SYNE2: variants seen among roughly 807,000 people sequenced by gnomAD.
SYNE2 encodes nesprin-2.
In SYNE2, 431 loss-of-function variants were observed where a neutral mutation model predicts 856.3. That is an observed-to-expected ratio of 0.50 (90% confidence interval 0.47 to 0.55). SYNE2 has a LOEUF of 0.55. Among genes scored for constraint, SYNE2 ranks in the 20% least tolerant of loss-of-function variants. The pLI is 0.00. For missense variants in SYNE2, 8,129 were observed against 8,023.2 expected (o/e 1.01, Z -0.50); for synonymous variants, 2,923 against 2,872.3 (o/e 1.02, Z -0.56).
intron 1 of SYNE2, among the ~76,000 whole-genome samples, chr14:63,811,968 G>A (rs1292926284): frequency 6.6e-6 from 1 of 152,144 alleles, no homozygotes; most frequent in East Asian, 1.9e-4. Context: ...AAAAACTCCT[G>A]ATAAGGGTCT....
At chr14:63,982,865 G>T (rs2096597110) in intron 17 of SYNE2, 71 bp downstream of exon 17, 4 of 1,494,222 alleles carry the variant, frequency 2.7e-6, no homozygotes, top group Admixed American at 1.7e-5. Context: ...CTCATTGTAA[G>T]TTCATAACCA....
chr14:64,210,992 C>G (rs980116651), intron 103 of SYNE2, among the ~76,000 whole-genome samples: 1 of 151,942 alleles, frequency 6.6e-6, no homozygotes, highest in Non-Finnish European at 1.5e-5. Context: ...TTCTCTCTTT[C>G]TTCTTTCTTG....
chr14:63,858,253 C>T (rs889022188), intron 1 of SYNE2, among the ~76,000 whole-genome samples: 3 of 140,314 alleles, frequency 2.1e-5, no homozygotes, highest in Non-Finnish European at 4.6e-5. Context: ...TGTGCGTCTC[C>T]ACACCGGCCT....
In SYNE2 at chr14:64,065,360, TAA is replaced by T. The variant is rs1294255881; in HGVS notation, c.10213-69_10213-68del. 5.0e-5 allele frequency: 65 copies of T among 1,297,692 alleles called. 1 individual carries two copies. In the South Asian group the frequency reaches 6.4e-4, roughly 13 times the overall value. 80.4% of individuals were successfully genotyped at this position (1,297,692 alleles called of 1,614,324 possible). Reference sequence around the variant, plus strand: ...TTGAAATAATTAATTGTTCAGGATTTAAAAGAGTTAGTAAGTTTCAGGAAAAC... The same window carrying T: ...TTGAAATAATTAATTGTTCAGGATTTAAGAGTTAGTAAGTTTCAGGAAAAC... On this transcript the variant is annotated intron_variant, in intron 50 of 115. Transcript: ENST00000555002.
At chr14:63,788,913 T>C (rs543937809) in intron 1 of SYNE2, among the ~76,000 whole-genome samples, 19 of 152,338 alleles carry the variant, frequency 1.2e-4, no homozygotes, top group African/African-American at 2.6e-4. Context: ...TGCACTCCCA[T>C]GTTTATTGCA....
Position 63,855,794 on chromosome 14 carries a change from T to G in SYNE2, c.-52+2651T>G, listed in dbSNP as rs190357864. 1.4e-3 allele frequency among the ~76,000 whole-genome samples: 210 copies of G among 152,342 alleles called. 7 individuals carry two copies. The highest frequency in any genetic ancestry group is 0.014 in the Admixed American group (207 of 15,304). On this transcript the variant is annotated intron_variant, in intron 1 of 115. Transcript: ENST00000555002. ...CCTTCAGAACTGTATCACAGCTGTT[T>G]TATTCACTGTTACACCTTCAGAATC...
At chr14:64,091,656 G>A (rs2097616181) in intron 60 of SYNE2, among the ~76,000 whole-genome samples, 1 of 152,138 alleles carries the variant, frequency 6.6e-6, no homozygotes, top group African/African-American at 2.4e-5. Context: ...TGTGGTGGCG[G>A]TGGTGGTGGT....
intron 64 of SYNE2, among the ~76,000 whole-genome samples, chr14:64,104,738 A>C (rs2097760331): frequency 1.3e-5 from 2 of 152,182 alleles, no homozygotes; most frequent in African/African-American, 4.8e-5. Flanking sequence ...GGTGTGAGCC[A>C]CTGCGCCCGG....
intron 45 of SYNE2, among the ~76,000 whole-genome samples, chr14:64,045,438 G>A (rs2097179203): frequency 1.4e-5 from 2 of 145,844 alleles, no homozygotes; most frequent in South Asian, 4.4e-4. Flanking sequence ...GGCTGGGGGT[G>A]TATTTCGGGG....
chr14:63,967,097 C>T (rs906565725), intron 10 of SYNE2, among the ~76,000 whole-genome samples: 51 of 152,080 alleles, frequency 3.4e-4, no homozygotes, highest in African/African-American at 1.1e-3. Context: ...ATCTCTTGAC[C>T]TCGTGATCCA....
intron 110 of SYNE2, among the ~76,000 whole-genome samples, chr14:64,220,046 GTGT>G (rs1205447150): frequency 6.8e-4 from 103 of 152,322 alleles, no homozygotes; most frequent in African/African-American, 2.4e-3. Flanking sequence ...TTTACTATCT[GTGT>G]TAATATATTA....
At chr14:63,920,970 C>G (rs1392502231) in intron 2 of SYNE2, among the ~76,000 whole-genome samples, 1 of 151,934 alleles carries the variant, frequency 6.6e-6, no homozygotes, top group East Asian at 1.9e-4. Context: ...CAAAAATTAG[C>G]TGGGCGTGTT....
chr14:63,774,565 C>T (rs1462099241), intron 1 of SYNE2, among the ~76,000 whole-genome samples: 3 of 150,840 alleles, frequency 2.0e-5, no homozygotes, highest in East Asian at 3.9e-4. Context: ...GACAGGGTCT[C>T]GCTCTGTCAC....
At chr14:63,913,742 G>C (rs190962160) in intron 2 of SYNE2, among the ~76,000 whole-genome samples, 1 of 144,918 alleles carries the variant, frequency 6.9e-6, no homozygotes, top group Non-Finnish European at 1.5e-5. Flanking sequence ...GATTATAGGC[G>C]TGAGCCACAA....
chr14:63,908,068 T>A (rs1297014294), intron 1 of SYNE2, among the ~76,000 whole-genome samples: 1 of 152,190 alleles, frequency 6.6e-6, no homozygotes, highest in African/African-American at 2.4e-5. Flanking sequence ...TTATTCTTTG[T>A]ATTTTTTGAA....
chr14:64,037,683 GCCC>G (rs1567120038), intron 45 of SYNE2, among the ~76,000 whole-genome samples: 3 of 16,406 alleles, frequency 1.8e-4, no homozygotes, highest in African/African-American at 2.1e-4. Context: ...GGGCAGAGGG[GCCC>G]CTCACTTCCC....
intron 111 of SYNE2, 40 bp downstream of exon 111, chr14:64,220,677 C>G (rs753780972): frequency 6.2e-7 from 1 of 1,607,622 alleles, no homozygotes; most frequent in South Asian, 1.1e-5. Flanking sequence ...AGCCGGTACC[C>G]AGGCCCACGT....
intron 18 of SYNE2, among the ~76,000 whole-genome samples, chr14:63,984,148 T>G (rs1594662467): frequency 6.6e-6 from 1 of 152,014 alleles, no homozygotes; most frequent in Admixed American, 6.5e-5. Flanking sequence ...CAGGCTGAGG[T>G]GGGAGGATTG....
chr14:63,960,632 A>C, intron 8 of SYNE2: 1 of 598,864 alleles, frequency 1.7e-6, no homozygotes. Context: ...AATAATCTTC[A>C]TTGCTTGTTT....
Sources: gnomAD v4.1 joint callset for allele counts (sites outside exome capture counted in the v4.1 genomes callset) on GRCh38, gnomAD v4.1.1 for gene constraint, MANE v1.5 for transcripts, NCBI Gene and HGNC (gene_info 2026-07-23, HGNC 2026-07-21) for gene names.